The following NT5DC1 variants were observed in gnomAD, a reference collection of about 807,000 sequenced individuals.
NT5DC1 encodes the protein 5'-nucleotidase domain-containing protein 1.
NT5DC1 carries 42 observed loss-of-function variants against 59.4 expected under a neutral mutation model. The ratio of observed to expected loss-of-function variants is 0.71; its 90% CI spans 0.55 to 0.92. The LOEUF is 0.92. NT5DC1 is among the 40% of genes least tolerant of loss of function. NT5DC1 has a pLI of 0.00. For synonymous variants in NT5DC1, 172 were observed against 188.1 expected, an observed-to-expected ratio of 0.91 and a Z score of 0.70; for missense variants, 501 against 537.1, an observed-to-expected ratio of 0.93 and a Z score of 0.66.
chr6:116,243,239 A>G (rs1203159416), intron 11 of NT5DC1, among the ~76,000 whole-genome samples: 5 of 152,296 alleles, frequency 3.3e-5, no homozygotes, highest in Non-Finnish European at 5.9e-5. Flanking sequence ...TGTGACTATG[A>G]AGAAGATTAT....
chr6:116,126,381 TA>T (rs1185446921), intron 6 of NT5DC1, among the ~76,000 whole-genome samples: 3 of 152,338 alleles, frequency 2.0e-5, no homozygotes, highest in Admixed American at 2.0e-4. Flanking sequence ...TCTATTTTAT[TA>T]ATTAATACTC....
Position 116,134,712 on chromosome 6 carries a change from C to A in NT5DC1, c.529+16767C>A, listed in dbSNP as rs560051660. ...AGGTCCTAGTATTAACAACTTCTTC[C>A]CAAAGTAGTTTTCACAAAAGAAAAT... On this transcript the variant is annotated intron_variant, in intron 6 of 11. Transcript: ENST00000319550. Among the ~76,000 whole-genome samples the A allele has an allele frequency of 2.0e-5, 3 of 152,236 alleles. No individual in the cohort carries two copies. The South Asian group carries it at 6.2e-4, about 32-fold the overall frequency.
At chr6:116,197,676 A>C (rs1023144451) in intron 6 of NT5DC1, among the ~76,000 whole-genome samples, 3 of 152,080 alleles carry the variant, frequency 2.0e-5, no homozygotes, top group Non-Finnish European at 4.4e-5. Context: ...CAATTGACAC[A>C]ATTACTTTTA....
At chr6:116,176,656 C>G (rs1780740452) in intron 6 of NT5DC1, among the ~76,000 whole-genome samples, 1 of 152,258 alleles carries the variant, frequency 6.6e-6, no homozygotes, top group African/African-American at 2.4e-5. Flanking sequence ...TTTCTTCCAC[C>G]TTTTTCCCAA....
At position 116,244,886 on chromosome 6, in the gene NT5DC1, C is replaced by T. The variant is rs1330822517; in HGVS notation, c.*862C>T. On this transcript the variant is annotated 3_prime_UTR_variant, in exon 12 of 12. Transcript: ENST00000319550. ...TTTAATTTATTTAATCAACTTTAAG[C>T]ATTACATTCTCAATTGGGGACAAAA... The T allele has an allele frequency of 6.6e-6, 1 of 152,024 alleles. No individual in the cohort carries two copies. The highest frequency in any genetic ancestry group is 1.5e-5 in the Non-Finnish European group (1 of 67,998). The allele number at this position is 152,024 out of a possible 1,614,324, so 9.4% of individuals were successfully genotyped here.
At chr6:116,240,156 C>T (rs1468326387) in intron 11 of NT5DC1, among the ~76,000 whole-genome samples, 1 of 152,016 alleles carries the variant, frequency 6.6e-6, no homozygotes, top group Non-Finnish European at 1.5e-5. Context: ...AGTAAGATTT[C>T]AGGTAAGATA....
chr6:116,124,250 C>T (rs1036836097), intron 6 of NT5DC1, among the ~76,000 whole-genome samples: 4 of 151,818 alleles, frequency 2.6e-5, no homozygotes, highest in African/African-American at 9.7e-5. Context: ...AACTTTATAA[C>T]AAATATCCTT....
At chr6:116,220,393 G>A (rs536958804) in intron 6 of NT5DC1, among the ~76,000 whole-genome samples, 1 of 152,226 alleles carries the variant, frequency 6.6e-6, no homozygotes, top group South Asian at 2.1e-4. Context: ...GCCAGACCCC[G>A]TGGCCACTCT....
At chr6:116,124,860 G>A (rs1362576673) in intron 6 of NT5DC1, among the ~76,000 whole-genome samples, 2 of 152,154 alleles carry the variant, frequency 1.3e-5, no homozygotes, top group Admixed American at 6.5e-5. Context: ...TTGGGGGGGA[G>A]GCCATCAGAT....
rs142452925 is a variant in NT5DC1, at chr6:116,238,282, G to A, written c.1017G>A (p.Gly339=). 1.1e-5 allele frequency: 18 copies of A among 1,613,294 alleles called. No individual in the cohort carries two copies. The African/African-American group carries it at 2.1e-4, about 19-fold the overall frequency. The change falls in exon 10 of 12, where the codon GGG becomes GGA. Residue 339 remains glycine (G), a synonymous_variant. Coordinates refer to ENST00000319550, the MANE Select transcript of NT5DC1 (RefSeq NM_152729.3). ...TCCTCATCCTGGAAGAACTCAGAGG[G>A]GATGAAGGCACGAGGAGTCAGAGGC... The part of the protein sequence containing the change: ...ETVLILEELR[G]DEGTRSQRPE...
intron 6 of NT5DC1, among the ~76,000 whole-genome samples, chr6:116,142,878 A>G (rs545590591): frequency 3.9e-5 from 6 of 152,176 alleles, no homozygotes; most frequent in Admixed American, 6.5e-5. Flanking sequence ...GTTGCTTCAC[A>G]TATATGTCAG....
chr6:116,180,643 C>G (rs1382728950), intron 6 of NT5DC1, among the ~76,000 whole-genome samples: 4 of 152,140 alleles, frequency 2.6e-5, no homozygotes, highest in South Asian at 2.1e-4. Context: ...ATATCAAACC[C>G]AGATTGTATT....
intron 6 of NT5DC1, among the ~76,000 whole-genome samples, chr6:116,126,613 A>G (rs1194393220): frequency 1.3e-5 from 2 of 152,154 alleles, no homozygotes; most frequent in African/African-American, 4.8e-5. Context: ...TTTTGTGAAA[A>G]TAGCTGACCC....
intron 6 of NT5DC1, among the ~76,000 whole-genome samples, chr6:116,127,459 A>C (rs1779348726): frequency 6.6e-6 from 1 of 152,140 alleles, no homozygotes; most frequent in South Asian, 2.1e-4. Context: ...TATGTTTCTT[A>C]TAGCAGTTTA....
intron 6 of NT5DC1, among the ~76,000 whole-genome samples, chr6:116,176,419 G>A (rs1291991370): frequency 6.6e-6 from 1 of 152,204 alleles, no homozygotes; most frequent in African/African-American, 2.4e-5. Flanking sequence ...CCTTAGAGAA[G>A]CCATGTACAC....
intron 6 of NT5DC1, among the ~76,000 whole-genome samples, chr6:116,167,670 G>C (rs937314734): frequency 1.8e-4 from 28 of 151,886 alleles, no homozygotes; most frequent in African/African-American, 6.5e-4. Context: ...TAATTTGTTT[G>C]AATTGTTCAT....
chr6:116,170,265 G>T (rs1270556474), intron 6 of NT5DC1, among the ~76,000 whole-genome samples: 1 of 152,146 alleles, frequency 6.6e-6, no homozygotes, highest in Non-Finnish European at 1.5e-5. Flanking sequence ...TGATTGGGGG[G>T]TGTGACCTGA....
chr6:116,181,242 A>G (rs9488861), intron 6 of NT5DC1, among the ~76,000 whole-genome samples: 41,561 of 151,900 alleles, frequency 0.27, 6,192 homozygotes, highest in Middle Eastern at 0.36. Flanking sequence ...AGATAAATAA[A>G]TATAGTAAAC....
intron 6 of NT5DC1, among the ~76,000 whole-genome samples, chr6:116,167,541 GCAT>G (rs1281359654): frequency 6.6e-6 from 1 of 152,082 alleles, no homozygotes; most frequent in African/African-American, 2.4e-5. Flanking sequence ...CAAAAAATAT[GCAT>G]CATTTTGATA....
Sources: allele counts gnomAD v4.1 joint callset (sites outside exome capture counted in the v4.1 genomes callset), GRCh38; gene constraint gnomAD v4.1.1; transcripts MANE v1.5; gene names NCBI Gene and HGNC (gene_info 2026-07-23, HGNC 2026-07-21).